Variants in IGSF5 observed in about 807,000 individuals in gnomAD.
The protein encoded by IGSF5 is immunoglobulin superfamily 5 like.
Under a neutral mutation model 39.4 loss-of-function variants are expected in IGSF5, and 41 were observed. That is an observed-to-expected ratio of 1.04 (90% CI 0.81 to 1.35). The LOEUF (loss-of-function observed/expected upper bound fraction) is 1.35. Among genes scored for constraint, IGSF5 ranks in the 40% most tolerant of loss-of-function variants. The pLI, the probability that IGSF5 is intolerant of heterozygous loss-of-function variation, is 0.00. For missense variants in IGSF5, 487 were observed against 494.6 expected (o/e 0.98, Z 0.15); for synonymous variants, 183 against 175.3 (o/e 1.04, Z -0.34).
intron 6 of IGSF5, among the ~76,000 whole-genome samples, chr21:39,788,794 A>T (rs2086941530): frequency 6.6e-6 from 1 of 152,212 alleles, no homozygotes; most frequent in Admixed American, 6.5e-5. Flanking sequence ...CTGCAATGTT[A>T]ACATAGCCAT....
chr21:39,732,122 A>AGCC, the IGSF5 span, among the ~76,000 whole-genome samples: 3 of 152,152 alleles, frequency 2.0e-5, no homozygotes, highest in African/African-American at 7.2e-5. Context: ...TTTGTGAATG[A>AGCC]GCCACCCTGA....
intron 2 of IGSF5, among the ~76,000 whole-genome samples, chr21:39,752,070 A>G (rs182821864): frequency 3.3e-5 from 5 of 152,264 alleles, no homozygotes; most frequent in Admixed American, 3.3e-4. Context: ...TTTTGGTTAC[A>G]TGAATAAGTT....
chr21:39,749,433 G>A lies in IGSF5; in HGVS notation c.100+3135G>A, dbSNP rs914963494. ...TCGCCATGTTGGCCAGGCTGGTCTC[G>A]TACTCCTGACCTCAGGTGATCTGCC... On this transcript the variant is annotated intron_variant, in intron 2 of 8. Transcript: ENST00000380588. 2.6e-4 allele frequency among the ~76,000 whole-genome samples: 40 copies of A among 152,262 alleles called. 1 individual carries two copies. The highest frequency in any genetic ancestry group is 2.0e-3 in the Admixed American group (31 of 15,302).
At chr21:39,715,922 G>A in the IGSF5 span, among the ~76,000 whole-genome samples, 5 of 152,294 alleles carry the variant, frequency 3.3e-5, no homozygotes, top group East Asian at 1.9e-4. Context: ...GAACCAACCC[G>A]GGGATGTTAT....
chr21:39,743,123 C>T (rs1159630471), upstream of IGSF5, among the ~76,000 whole-genome samples: 5 of 152,142 alleles, frequency 3.3e-5, no homozygotes, highest in Non-Finnish European at 2.9e-5. Flanking sequence ...CTAGCACACA[C>T]GTGAGCAAAT....
At chr21:39,787,298 C>T (rs1302215126) in intron 5 of IGSF5, among the ~76,000 whole-genome samples, 1 of 152,072 alleles carries the variant, frequency 6.6e-6, no homozygotes, top group Admixed American at 6.5e-5. Context: ...TGTAAATTGG[C>T]AGGTGTTATT....
chr21:39,765,254 C>G (rs1208779773), intron 2 of IGSF5, among the ~76,000 whole-genome samples: 1 of 152,158 alleles, frequency 6.6e-6, no homozygotes, highest in East Asian at 1.9e-4. Context: ...TTCAAAGGTT[C>G]CATTCTGAGG....
At chr21:39,750,816 G>C (rs10427527) in intron 2 of IGSF5, among the ~76,000 whole-genome samples, 16,430 of 152,292 alleles carry the variant, frequency 0.11, 2,891 homozygotes, top group African/African-American at 0.37. Context: ...TCCACCAGCC[G>C]CTGGGCCTTT....
At chr21:39,792,580 A>T (rs1013204149) in intron 7 of IGSF5, among the ~76,000 whole-genome samples, 1 of 152,152 alleles carries the variant, frequency 6.6e-6, no homozygotes, top group African/African-American at 2.4e-5. Context: ...AGCCCTCTAC[A>T]TTAAAACATG....
At chr21:39,746,427 C>A (rs955986483) in intron 2 of IGSF5, 129 bp downstream of exon 2, 2 of 562,222 alleles carry the variant, frequency 3.6e-6, no homozygotes, top group Middle Eastern at 4.6e-4. Flanking sequence ...GGGGGTTGCT[C>A]CCATCCCTCT....
chr21:39,754,161 T>C (rs551958437), intron 2 of IGSF5, among the ~76,000 whole-genome samples: 33 of 152,372 alleles, frequency 2.2e-4, no homozygotes, highest in African/African-American at 7.7e-4. Context: ...GAACTCCTTT[T>C]AGCATTTCTT....
intron 3 of IGSF5, among the ~76,000 whole-genome samples, chr21:39,769,274 G>C (rs1355645068): frequency 6.6e-6 from 1 of 152,124 alleles, no homozygotes; most frequent in Admixed American, 6.5e-5. Flanking sequence ...CCAGGAGTTT[G>C]AGACCAGCCT....
chr21:39,792,965 C>G (rs1306040288), intron 7 of IGSF5, among the ~76,000 whole-genome samples: 1 of 151,822 alleles, frequency 6.6e-6, no homozygotes, highest in African/African-American at 2.4e-5. Flanking sequence ...GGCCTAAACA[C>G]CTGCGTTTTC....
chr21:39,756,878 A>C (rs2080033079), intron 2 of IGSF5, among the ~76,000 whole-genome samples: 1 of 151,998 alleles, frequency 6.6e-6, no homozygotes, highest in Non-Finnish European at 1.5e-5. Flanking sequence ...GGTTGGAAGG[A>C]AGGAACAAGA....
intron 5 of IGSF5, among the ~76,000 whole-genome samples, chr21:39,783,702 G>C (rs968375436): frequency 6.6e-6 from 1 of 152,122 alleles, no homozygotes; most frequent in African/African-American, 2.4e-5. Context: ...TTCTTTTGCT[G>C]TGCAGAAGCT....
At chr21:39,769,749 T>C (rs2080105100) in intron 3 of IGSF5, among the ~76,000 whole-genome samples, 1 of 152,016 alleles carries the variant, frequency 6.6e-6, no homozygotes, top group Admixed American at 6.6e-5. Context: ...TGTGATTCGT[T>C]TCCATGAAAA....
intron 2 of IGSF5, among the ~76,000 whole-genome samples, chr21:39,763,091 C>T (rs974613824): frequency 6.6e-6 from 1 of 152,168 alleles, no homozygotes; most frequent in Admixed American, 6.5e-5. Context: ...GCTGATAAGA[C>T]ACAGCTGAGA....
At position 39,765,840 on chromosome 21, in the gene IGSF5, C is replaced by T. The variant is rs575362025; in HGVS notation, c.406C>T (p.Leu136Phe). 4.7e-5 allele frequency: 75 copies of T among 1,612,482 alleles called. 1 individual carries two copies. In the South Asian group the frequency reaches 7.8e-4, roughly 17 times the overall value. The change falls in exon 3 of 9, where the codon CTT (leucine) becomes TTT (phenylalanine). Residue 136 changes from leucine (L) to phenylalanine (F), a missense_variant. Coordinates refer to ENST00000380588, the MANE Select transcript of IGSF5 (RefSeq NM_001080444.2). ...CAGTCGCCTGCATGGATCTGCTTACCTTACCGTCCAAGGTGTGTATGCAGG... is the reference window on the plus strand; with the variant it reads ...CAGTCGCCTGCATGGATCTGCTTACTTTACCGTCCAAGGTGTGTATGCAGG... ...QNSRLHGSAY[L>F]TVQVMGELFI...
intron 4 of IGSF5, among the ~76,000 whole-genome samples, chr21:39,773,797 A>T (rs946544815): frequency 4.6e-5 from 7 of 152,192 alleles, no homozygotes; most frequent in Non-Finnish European, 1.0e-4. Flanking sequence ...AGAAGATTTT[A>T]AAAAAATCCA....
Sources: allele counts gnomAD v4.1 joint callset (sites outside exome capture counted in the v4.1 genomes callset), GRCh38; gene constraint gnomAD v4.1.1; transcripts MANE v1.5; gene names NCBI Gene and HGNC (gene_info 2026-07-23, HGNC 2026-07-21).